KLF17: variants seen among roughly 807,000 people sequenced by gnomAD.
The protein encoded by KLF17 is Krueppel-like factor 17.
Under a neutral mutation model 34.2 loss-of-function variants are expected in KLF17, and 31 were observed. The observed-to-expected ratio is 0.91, with a 90% CI of 0.68 to 1.22. The LOEUF (loss-of-function observed/expected upper bound fraction) is 1.22. Ranked by LOEUF, KLF17 falls within the 50% of genes most tolerant of loss-of-function variation. The pLI, the probability that KLF17 is intolerant of heterozygous loss-of-function variation, is 0.00. For missense variants in KLF17, 478 were observed against 505.2 expected (o/e 0.95, Z 0.52); for synonymous variants, 179 against 186.7 (o/e 0.96, Z 0.34).
chr1:44,074,475 A>C, the KLF17 span, among the ~76,000 whole-genome samples: 1 of 152,044 alleles, frequency 6.6e-6, no homozygotes, highest in African/African-American at 2.4e-5. Flanking sequence ...CTCTGCCACC[A>C]TACCTTCCCC....
the KLF17 span, among the ~76,000 whole-genome samples, chr1:44,085,542 C>T: frequency 6.6e-6 from 1 of 152,000 alleles, no homozygotes; most frequent in Admixed American, 6.5e-5. Context: ...CCTATAATCC[C>T]AGCACTTTGG....
the KLF17 span, among the ~76,000 whole-genome samples, chr1:44,049,471 G>T: frequency 6.6e-6 from 1 of 152,128 alleles, no homozygotes; most frequent in Non-Finnish European, 1.5e-5. Context: ...CATATAGTTA[G>T]AATTATACAG....
the KLF17 span, among the ~76,000 whole-genome samples, chr1:44,072,618 C>G: frequency 6.6e-6 from 1 of 152,084 alleles, no homozygotes; most frequent in African/African-American, 2.4e-5. Context: ...AGAGGATGCC[C>G]GGGAGTTCCA....
At chr1:44,122,481 C>T (rs1403405922) in intron 1 of KLF17, 4 of 1,126,432 alleles carry the variant, frequency 3.6e-6, no homozygotes, top group Non-Finnish European at 5.4e-6. Flanking sequence ...AGTTTCATGA[C>T]TCAATTTCAT....
chr1:44,118,244 TTGTTC>T (rs577823092), upstream of KLF17, among the ~76,000 whole-genome samples: 527 of 152,350 alleles, frequency 3.5e-3, 2 homozygotes, highest in African/African-American at 0.012. Flanking sequence ...AGCAAGGACT[TTGTTC>T]TGTCCTGTTT....
At chr1:44,078,594 C>T in the KLF17 span, among the ~76,000 whole-genome samples, 4 of 152,076 alleles carry the variant, frequency 2.6e-5, no homozygotes, top group African/African-American at 4.8e-5. Flanking sequence ...CGTGCCAGTA[C>T]GCCCGGCTAA....
chr1:44,053,331 G>A, the KLF17 span, among the ~76,000 whole-genome samples: 1 of 152,152 alleles, frequency 6.6e-6, no homozygotes, highest in Admixed American at 6.6e-5. Context: ...GCTAGCTGTA[G>A]AACATGTCTG....
chr1:44,066,167 A>T, the KLF17 span, among the ~76,000 whole-genome samples: 3 of 152,084 alleles, frequency 2.0e-5, no homozygotes, highest in African/African-American at 7.2e-5. Flanking sequence ...AAAAATTTTT[A>T]AAAATAGCTA....
chr1:44,103,241 G>T, the KLF17 span: 1 of 668,012 alleles, frequency 1.5e-6, no homozygotes, highest in Admixed American at 2.2e-5. Context: ...CCTGCACAGC[G>T]GCCTCCCTCC....
At chr1:44,091,904 ACT>A in the KLF17 span, among the ~76,000 whole-genome samples, 1 of 130,988 alleles carries the variant, frequency 7.6e-6, no homozygotes, top group African/African-American at 2.8e-5. Context: ...AGAGAGAAAA[ACT>A]CTGTCTCAAA....
intron 3 of KLF17, among the ~76,000 whole-genome samples, chr1:44,131,630 G>A (rs1195826986): frequency 6.6e-6 from 1 of 152,166 alleles, no homozygotes; most frequent in Non-Finnish European, 1.5e-5. Flanking sequence ...AGACTTGGAT[G>A]GAATGCCCTG....
chr1:44,127,653 T>C (rs1455036296), intron 1 of KLF17, among the ~76,000 whole-genome samples: 1 of 50,442 alleles, frequency 2.0e-5, no homozygotes. Flanking sequence ...TTTCTTTCTT[T>C]CTTTCTTTCT....
At chr1:44,055,193 C>A in the KLF17 span, among the ~76,000 whole-genome samples, 1 of 152,148 alleles carries the variant, frequency 6.6e-6, no homozygotes, top group African/African-American at 2.4e-5. Flanking sequence ...CTGATGGGGC[C>A]TGCGGTCCTC....
In KLF17 at chr1:44,127,639, C is replaced by CTTCT. The variant is rs34643385; in HGVS notation, c.82-1663_82-1660dup. Among the ~76,000 whole-genome samples, 267 of 77,386 alleles carry CTTCT rather than the reference C, an allele frequency of 3.5e-3. 2 individuals carry two copies. The highest frequency in any genetic ancestry group is 8.3e-3 in the African/African-American group (163 of 19,622). 50.8% of individuals were successfully genotyped at this position (77,386 alleles called of 152,430 possible). ...CTTTTCTTTTCTTTTCTTTTCTTTC[C>CTTCT]TTCTTTCTTTCTTTCTTTCTTTCTT... is the stretch of plus-strand genomic sequence containing the variant. On this transcript the variant is annotated intron_variant, in intron 1 of 3. Transcript: ENST00000372299.
the KLF17 span, among the ~76,000 whole-genome samples, chr1:44,058,986 C>T: frequency 4.6e-5 from 7 of 152,008 alleles, no homozygotes; most frequent in African/African-American, 1.5e-4. Flanking sequence ...AAGAAGAATC[C>T]GCCAATGATC....
the KLF17 span, among the ~76,000 whole-genome samples, chr1:44,110,888 A>G: frequency 6.6e-6 from 1 of 151,916 alleles, no homozygotes; most frequent in African/African-American, 2.4e-5. Flanking sequence ...TTGGGAGGCC[A>G]AGGCAGGAGG....
At chr1:44,070,590 CT>C in the KLF17 span, among the ~76,000 whole-genome samples, 738 of 78,656 alleles carry the variant, frequency 9.4e-3, 3 homozygotes, top group East Asian at 0.028. Context: ...TTTCCCTTGT[CT>C]TTTTTTTTTT....
the KLF17 span, among the ~76,000 whole-genome samples, chr1:44,059,794 C>T: frequency 1.3e-5 from 2 of 151,904 alleles, no homozygotes; most frequent in East Asian, 3.9e-4. Context: ...TACTCTGATC[C>T]AAATCTAGTT....
chr1:44,092,881 C>CA, the KLF17 span, among the ~76,000 whole-genome samples: 15 of 151,136 alleles, frequency 9.9e-5, no homozygotes, highest in Admixed American at 6.6e-4. Flanking sequence ...CCCAAAAAAA[C>CA]AAAAAAAGGA....
Sources: gnomAD v4.1 joint callset for allele counts (sites outside exome capture counted in the v4.1 genomes callset) on GRCh38, gnomAD v4.1.1 for gene constraint, MANE v1.5 for transcripts, NCBI Gene and HGNC (gene_info 2026-07-23, HGNC 2026-07-21) for gene names.